TNFAIP8: variants seen among roughly 807,000 people sequenced by gnomAD.
TNFAIP8 encodes the protein tumor necrosis factor alpha-induced protein 8.
A neutral mutation model predicts 13.3 loss-of-function variants in TNFAIP8; 7 were observed. The observed-to-expected ratio is 0.52, with a 90% CI of 0.30 to 0.99. TNFAIP8 has a LOEUF of 0.99. Among genes scored for constraint, TNFAIP8 ranks in the 50% least tolerant of loss-of-function variants. The pLI, the probability that TNFAIP8 is intolerant of heterozygous loss-of-function variation, is 0.07. For synonymous variants in TNFAIP8, 94 were observed against 87.6 expected, an observed-to-expected ratio of 1.07 and a Z score of -0.41; for missense variants, 258 against 236.9, an observed-to-expected ratio of 1.09 and a Z score of -0.58.
intron 1 of TNFAIP8, among the ~76,000 whole-genome samples, chr5:119,384,080 C>G (rs942290434): frequency 3.3e-5 from 5 of 152,192 alleles, no homozygotes; most frequent in African/African-American, 1.2e-4. Context: ...TAATCTCTGC[C>G]ACTTACTGTA....
intron 1 of TNFAIP8, among the ~76,000 whole-genome samples, chr5:119,284,891 A>G (rs1282339342): frequency 6.6e-6 from 1 of 152,194 alleles, no homozygotes; most frequent in Non-Finnish European, 1.5e-5. Context: ...AAATGTGCCA[A>G]TTTTGAAACT....
At chr5:119,340,456 G>A (rs1750699355) in intron 1 of TNFAIP8, among the ~76,000 whole-genome samples, 1 of 152,246 alleles carries the variant, frequency 6.6e-6, no homozygotes, top group African/African-American at 2.4e-5. Flanking sequence ...CTGAGCTCCT[G>A]AGGCCACCAT....
chr5:119,360,303 A>G (rs1751584654), intron 1 of TNFAIP8, among the ~76,000 whole-genome samples: 2 of 152,314 alleles, frequency 1.3e-5, no homozygotes, highest in South Asian at 4.1e-4. Context: ...GAATTGCTGG[A>G]TTTACCTATA....
At position 119,315,637 on chromosome 5, in the gene TNFAIP8, C is replaced by T. The variant is rs148497712; in HGVS notation, c.1+46730C>T. 4.7e-3 allele frequency among the ~76,000 whole-genome samples: 719 copies of T among 152,276 alleles called. 6 individuals are homozygous for T. Among genetic ancestry groups the T allele is most frequent in the African/African-American group, 0.016 (669 of 41,542 alleles). ...GAGTCAGGCCCAGTGTTGTTGAACACACTGAGGAAGCTGGCAGAAGACCCC... is the reference window on the plus strand; with the variant it reads ...GAGTCAGGCCCAGTGTTGTTGAACATACTGAGGAAGCTGGCAGAAGACCCC... On this transcript the variant is annotated intron_variant, in intron 1 of 1. Coordinates refer to the TNFAIP8 transcript ENST00000274456.
chr5:119,355,935 A>G (rs1751387650), upstream of TNFAIP8: 1 of 1,420,086 alleles, frequency 7.0e-7, no homozygotes, highest in Non-Finnish European at 9.4e-7. Context: ...AAATCCCTGC[A>G]CCAGAACCCG....
At chr5:119,369,813 G>A (rs753214480) in intron 1 of TNFAIP8, among the ~76,000 whole-genome samples, 2 of 152,194 alleles carry the variant, frequency 1.3e-5, no homozygotes, top group Non-Finnish European at 2.9e-5. Flanking sequence ...CAGTGTGAGT[G>A]ATATTCCATC....
At chr5:119,327,671 C>G (rs557273267) in intron 1 of TNFAIP8, among the ~76,000 whole-genome samples, 61 of 152,200 alleles carry the variant, frequency 4.0e-4, no homozygotes, top group Non-Finnish European at 8.2e-4. Flanking sequence ...GTTGGCCAGG[C>G]TGGTCTCGAA....
intron 1 of TNFAIP8, among the ~76,000 whole-genome samples, chr5:119,285,292 T>G (rs888535443): frequency 9.2e-5 from 14 of 152,182 alleles, no homozygotes; most frequent in African/African-American, 3.4e-4. Context: ...AGTGTGAAAA[T>G]TCTGTATTCT....
At chr5:119,381,975 C>T (rs1752502609) in intron 1 of TNFAIP8, among the ~76,000 whole-genome samples, 1 of 151,978 alleles carries the variant, frequency 6.6e-6, no homozygotes, top group African/African-American at 2.4e-5. Flanking sequence ...TGTAGTATTT[C>T]CTGGGTCTTA....
intron 1 of TNFAIP8, among the ~76,000 whole-genome samples, chr5:119,315,330 T>C (rs1485841399): frequency 5.9e-5 from 9 of 152,166 alleles, no homozygotes; most frequent in Non-Finnish European, 1.0e-4. Flanking sequence ...ATGATCCACC[T>C]ATCTTGGCCT....
chr5:119,377,883 C>T (rs1188419437), intron 1 of TNFAIP8, among the ~76,000 whole-genome samples: 2 of 152,092 alleles, frequency 1.3e-5, no homozygotes, highest in African/African-American at 4.8e-5. Context: ...TTCTGTAAGG[C>T]AGTGATTACC....
intron 1 of TNFAIP8, among the ~76,000 whole-genome samples, chr5:119,276,853 A>G (rs1262724276): frequency 6.6e-6 from 1 of 152,218 alleles, no homozygotes; most frequent in African/African-American, 2.4e-5. Context: ...AATCGCCTTT[A>G]TAAAGGATAT....
chr5:119,270,669 A>G (rs1323251629), intron 1 of TNFAIP8, among the ~76,000 whole-genome samples: 1 of 152,132 alleles, frequency 6.6e-6, no homozygotes, highest in African/African-American at 2.4e-5. Context: ...TTCAGTTTTT[A>G]CTTGTAATCT....
At chr5:119,292,465 T>A (rs1378619628) in intron 1 of TNFAIP8, among the ~76,000 whole-genome samples, 1 of 151,376 alleles carries the variant, frequency 6.6e-6, no homozygotes, top group Non-Finnish European at 1.5e-5. Context: ...ATTTTGTTAT[T>A]CTGTTGGGTA....
intron 1 of TNFAIP8, among the ~76,000 whole-genome samples, chr5:119,362,438 T>C (rs115357319): frequency 0.015 from 2,228 of 152,306 alleles, 18 homozygotes; most frequent in Non-Finnish European, 0.021. Context: ...CTCATGACTT[T>C]GTTCCTGGTT....
chr5:119,395,014 C>A lies in TNFAIP8; in HGVS notation c.*1633C>A, dbSNP rs1201373644. On this transcript the variant is annotated 3_prime_UTR_variant, in exon 2 of 2. Transcript: ENST00000504771. ...AACTAAAAATTCCAGAAGTTGAGAT[C>A]TGCTCTAACCCATTTCAGCCTAGAG... 1.3e-5 allele frequency: 2 copies of A among 152,180 alleles called. No individual in the cohort carries two copies. The highest frequency in any genetic ancestry group is 3.8e-4 in the East Asian group (2 of 5,196). 9.4% of individuals were successfully genotyped at this position (152,180 alleles called of 1,614,324 possible).
At chr5:119,355,182 A>C (rs780521065), upstream of TNFAIP8, 1 of 657,506 alleles carries the variant, frequency 1.5e-6, no homozygotes, top group Non-Finnish European at 2.7e-6. Flanking sequence ...TTCTATCAGC[A>C]TTTCAAATCC....
At position 119,304,188 on chromosome 5, in the gene TNFAIP8, A is replaced by T. The variant is rs138293715; in HGVS notation, c.1+35281A>T. The stretch of plus-strand genomic sequence containing the variant: ...GGCTGGAGTGTAGTGGCATGATCAT[A>T]GCTCACTGCAGCCCCAAATACCTGG... On this transcript the variant is annotated intron_variant, in intron 1 of 1. Transcript: ENST00000274456. Among the ~76,000 whole-genome samples, 43 of 152,110 alleles carry T rather than the reference A, an allele frequency of 2.8e-4. 1 individual carries two copies. The East Asian group carries it at 8.3e-3, about 29-fold the overall frequency.
intron 1 of TNFAIP8, among the ~76,000 whole-genome samples, chr5:119,374,687 CG>C (rs776499052): frequency 1.3e-5 from 2 of 152,100 alleles, no homozygotes; most frequent in Non-Finnish European, 2.9e-5. Context: ...CATTTCAATG[CG>C]GGGTAGCTAG....
Sources: allele counts gnomAD v4.1 joint callset (sites outside exome capture counted in the v4.1 genomes callset), GRCh38; gene constraint gnomAD v4.1.1; transcripts MANE v1.5; gene names NCBI Gene and HGNC (gene_info 2026-07-23, HGNC 2026-07-21).